PLPPR1: variants seen among roughly 807,000 people sequenced by gnomAD.
PLPPR1 encodes the protein phospholipid phosphatase related 1, also known as phospholipid phosphatase-related protein type 1.
A neutral mutation model predicts 33.1 loss-of-function variants in PLPPR1; 10 were observed. The observed-to-expected ratio is 0.30, with a 90% CI of 0.19 to 0.51. PLPPR1 has a LOEUF of 0.51. PLPPR1 is among the 20% of genes least tolerant of loss of function. PLPPR1 has a pLI of 0.97. For missense variants in PLPPR1, 304 were observed against 408.1 expected (o/e 0.74, Z 2.20); for synonymous variants, 151 against 151.0 (o/e 1.00, Z 0.00).
intron 1 of PLPPR1, among the ~76,000 whole-genome samples, chr9:101,172,521 G>A (rs1825958127): frequency 6.6e-6 from 1 of 152,094 alleles, no homozygotes. Context: ...GGAAGAGAAA[G>A]TATTCTTGGC....
intron 1 of PLPPR1, among the ~76,000 whole-genome samples, chr9:101,113,462 A>G (rs1168395882): frequency 6.6e-6 from 1 of 152,180 alleles, no homozygotes; most frequent in Non-Finnish European, 1.5e-5. Flanking sequence ...TAGATCTCTT[A>G]TAAGATGAAC....
At chr9:101,156,161 G>T (rs1831683484) in intron 1 of PLPPR1, among the ~76,000 whole-genome samples, 1 of 152,162 alleles carries the variant, frequency 6.6e-6, no homozygotes, top group African/African-American at 2.4e-5. Flanking sequence ...AATACATAAA[G>T]TCCTACAAAG....
intron 1 of PLPPR1, among the ~76,000 whole-genome samples, chr9:101,073,376 TCAATTGG>T (rs1229045228): frequency 6.6e-6 from 1 of 152,110 alleles, no homozygotes; most frequent in African/African-American, 2.4e-5. Context: ...AAGACTCTCT[TCAATTGG>T]CAACTTTTCA....
At chr9:101,172,803 T>C (rs2118693025) in intron 1 of PLPPR1, among the ~76,000 whole-genome samples, 1 of 152,252 alleles carries the variant, frequency 6.6e-6, no homozygotes, top group Non-Finnish European at 1.5e-5. Context: ...CCTTGTTGTA[T>C]CATTGCCTAG....
chr9:101,112,647 A>G (rs965992999), intron 1 of PLPPR1, among the ~76,000 whole-genome samples: 2 of 152,200 alleles, frequency 1.3e-5, no homozygotes, highest in African/African-American at 4.8e-5. Flanking sequence ...ACTGAGCTTG[A>G]CAGTTTCCGT....
intron 1 of PLPPR1, among the ~76,000 whole-genome samples, chr9:101,063,942 T>A (rs1830376827): frequency 6.6e-6 from 1 of 152,128 alleles, no homozygotes; most frequent in Non-Finnish European, 1.5e-5. Context: ...ACTATTGAAT[T>A]CCTAATGCTT....
intron 4 of PLPPR1, among the ~76,000 whole-genome samples, chr9:101,308,058 C>G (rs1376807316): frequency 3.3e-5 from 5 of 152,146 alleles, no homozygotes; most frequent in African/African-American, 1.2e-4. Flanking sequence ...GGAAGTATAG[C>G]CTACTCACAG....
intron 1 of PLPPR1, among the ~76,000 whole-genome samples, chr9:101,153,784 C>T (rs1092802): frequency 0.45 from 68,210 of 150,224 alleles, 15,928 homozygotes; most frequent in Non-Finnish European, 0.51. Context: ...GGGGTTTCAC[C>T]GTGTTAGCCA....
chr9:101,230,523 C>T (rs1588084648), intron 2 of PLPPR1, among the ~76,000 whole-genome samples: 1 of 152,236 alleles, frequency 6.6e-6, no homozygotes, highest in East Asian at 1.9e-4. Context: ...CCAGCTACCA[C>T]AGGAAATATG....
intron 1 of PLPPR1, among the ~76,000 whole-genome samples, chr9:101,174,520 A>G (rs1170713633): frequency 6.6e-6 from 1 of 152,146 alleles, no homozygotes; most frequent in Non-Finnish European, 1.5e-5. Context: ...GGGCATTTTT[A>G]TTCTCTGCAC....
intron 1 of PLPPR1, among the ~76,000 whole-genome samples, chr9:101,086,271 G>A (rs1057254854): frequency 2.0e-5 from 3 of 152,236 alleles, no homozygotes; most frequent in African/African-American, 4.8e-5. Flanking sequence ...ACTGGGGATC[G>A]GCACTTATGG....
At chr9:101,183,072 A>G (rs1826143165) in intron 1 of PLPPR1, among the ~76,000 whole-genome samples, 1 of 151,800 alleles carries the variant, frequency 6.6e-6, no homozygotes, top group Non-Finnish European at 1.5e-5. Flanking sequence ...CTACTTTGGA[A>G]AACGTTTTAG....
At chr9:101,181,898 A>G (rs528817108) in intron 1 of PLPPR1, among the ~76,000 whole-genome samples, 11 of 150,104 alleles carry the variant, frequency 7.3e-5, no homozygotes, top group African/African-American at 2.7e-4. Flanking sequence ...ACATACTTAT[A>G]TACACATATA....
In PLPPR1 at chr9:101,269,676, T is replaced by A. The variant is rs527630522; in HGVS notation, c.64-204T>A. On this transcript the variant is annotated intron_variant, in intron 2 of 7. Transcript: ENST00000374874. ...CTTTCAGATGGGAGCTGCTCATTAT[T>A]TGCTGGAAGGTTTATAGAACAGATG... is the stretch of plus-strand genomic sequence containing the variant. 5 of 599,874 alleles carry A rather than the reference T, an allele frequency of 8.3e-6. No individual in the cohort carries two copies. The African/African-American group carries it at 9.2e-5, about 11-fold the overall frequency. The allele number at this position is 599,874 out of a possible 1,614,324, so 37.2% of individuals were successfully genotyped here.
chr9:101,123,771 G>A (rs1396114831), intron 1 of PLPPR1, among the ~76,000 whole-genome samples: 1 of 152,168 alleles, frequency 6.6e-6, no homozygotes, highest in African/African-American at 2.4e-5. Context: ...GAGCCAGCAA[G>A]TCTAGACAAA....
intron 1 of PLPPR1, among the ~76,000 whole-genome samples, chr9:101,135,260 CCACT>C (rs1168302473): frequency 6.6e-6 from 1 of 152,164 alleles, no homozygotes; most frequent in African/African-American, 2.4e-5. Flanking sequence ...AATTCATAGG[CCACT>C]CAAACAAAGG....
chr9:101,171,554 C>T (rs922835780), intron 1 of PLPPR1, among the ~76,000 whole-genome samples: 2 of 152,112 alleles, frequency 1.3e-5, no homozygotes, highest in Non-Finnish European at 2.9e-5. Context: ...CAATGCCACC[C>T]TCTTGTTGTG....
intron 4 of PLPPR1, among the ~76,000 whole-genome samples, chr9:101,307,080 A>G (rs767525628): frequency 2.0e-5 from 3 of 152,226 alleles, no homozygotes; most frequent in Non-Finnish European, 2.9e-5. Flanking sequence ...CAAATGCACC[A>G]GAATGAAGTG....
At chr9:101,238,419 A>G (rs1202097392) in intron 2 of PLPPR1, among the ~76,000 whole-genome samples, 1 of 148,924 alleles carries the variant, frequency 6.7e-6, no homozygotes, top group African/African-American at 2.5e-5. Context: ...GTGTATATAT[A>G]TATATGCACA....
Sources: gnomAD v4.1 joint callset for allele counts (sites outside exome capture counted in the v4.1 genomes callset) on GRCh38, gnomAD v4.1.1 for gene constraint, MANE v1.5 for transcripts, NCBI Gene and HGNC (gene_info 2026-07-23, HGNC 2026-07-21) for gene names.